ZNF317: variants seen among roughly 807,000 people sequenced by gnomAD.
The protein encoded by ZNF317 is KRAB-containing zinc finger protein 317.
ZNF317 carries 17 observed loss-of-function variants against 23.4 expected under a neutral mutation model. That is an observed-to-expected ratio of 0.73 (90% CI 0.50 to 1.09). ZNF317 has a LOEUF of 1.09. Ranked by LOEUF, ZNF317 falls within the 50% of genes least tolerant of loss-of-function variation. The pLI is 0.00. For synonymous variants in ZNF317, 317 were observed against 314.9 expected, an observed-to-expected ratio of 1.01 and a Z score of -0.07; for missense variants, 679 against 796.7, an observed-to-expected ratio of 0.85 and a Z score of 1.78.
chr19:9,140,843 G>C (rs2050622529), intron 1 of ZNF317, among the ~76,000 whole-genome samples: 1 of 152,100 alleles, frequency 6.6e-6, no homozygotes, highest in South Asian at 2.1e-4. Context: ...GTCTCTGGTG[G>C]GGGCGGAAAA....
At chr19:9,157,126 T>C in intron 3 of ZNF317, 142 bp from the exon 4 acceptor site, 2 of 1,020,814 alleles carry the variant, frequency 2.0e-6, no homozygotes, top group South Asian at 1.6e-5. Flanking sequence ...GACTGATGCC[T>C]GGAGGAAATG....
intron 1 of ZNF317, among the ~76,000 whole-genome samples, chr19:9,147,211 G>T (rs1302747204): frequency 1.3e-5 from 2 of 151,838 alleles, no homozygotes; most frequent in Non-Finnish European, 2.9e-5. Flanking sequence ...TAGAAAAATA[G>T]AACTGCTTTC....
chr19:9,140,589 T>C lies in ZNF317; in HGVS notation c.-96T>C, dbSNP rs985967583. 27 of 456,416 alleles carry C rather than the reference T, an allele frequency of 5.9e-5. No homozygotes were observed. Among genetic ancestry groups the C allele is most frequent in the African/African-American group, 1.0e-4 (5 of 50,060 alleles). 28.3% of individuals were successfully genotyped at this position (456,416 alleles called of 1,614,324 possible). A position where few individuals can be genotyped will look rare whatever the true frequency, so the allele number is the denominator to read the frequency against. On this transcript the variant is annotated 5_prime_UTR_variant, in exon 1 of 7. Coordinates refer to ENST00000247956, the MANE Select transcript of ZNF317 (RefSeq NM_020933.5). ...TCCGCTCCCCCGATCCTATTCCCAG[T>C]CGTGTAAGCCCTGCTTTCCTTAACC...
rs2050853405 is a variant in ZNF317 at position 9,161,300 on chromosome 19, A to G, written c.1655A>G (p.His552Arg). The change falls in exon 7 of 7, where the codon CAC becomes CGC. Residue 552 changes from histidine (H) to arginine (R), a missense_variant. Physicochemically the swap from His to Arg is conservative, Grantham distance 29 (BLOSUM62 0). Coordinates refer to ENST00000247956, the MANE Select transcript of ZNF317 (RefSeq NM_020933.5). This position sits in a 1 kb window ranked among gnomAD's most constrained non-coding sequence, Gnocchi z 4.0. ...AACCTGAATGTGCACAGGCGGATCCACACCGGGGAGAAGCCCTACGAATGC... is the reference window on the plus strand; with the variant it reads ...AACCTGAATGTGCACAGGCGGATCCGCACCGGGGAGAAGCCCTACGAATGC... ...GSNLNVHRRI[H>R]TGEKPYECLV... is the part of the protein sequence containing the mutation. The G allele has an allele frequency of 6.2e-7, 1 of 1,613,932 alleles. No homozygotes were observed.
At chr19:9,150,195 G>T (rs1038143622) in intron 1 of ZNF317, among the ~76,000 whole-genome samples, 3 of 152,202 alleles carry the variant, frequency 2.0e-5, no homozygotes, top group Non-Finnish European at 4.4e-5. Flanking sequence ...GAGTCATTCT[G>T]GGTGGGGCAG....
At position 9,162,364 on chromosome 19, in the gene ZNF317, T is replaced by TATGA. The variant is rs564881339; in HGVS notation, c.*934_*937dup. On this transcript the variant is annotated 3_prime_UTR_variant, in exon 7 of 7. Coordinates refer to ENST00000247956, the MANE Select transcript of ZNF317 (RefSeq NM_020933.5). ...CTGCCTGCAGCAATTCCTCCATTTT[T>TATGA]ATGAATCTTGTGAGCACTTACGCTA... 17 of 152,314 alleles carry TATGA rather than the reference T, an allele frequency of 1.1e-4. No homozygotes were observed. The highest frequency in any genetic ancestry group is 1.0e-3 in the Admixed American group (16 of 15,298). The allele number at this position is 152,314 out of a possible 1,614,324, so 9.4% of individuals were successfully genotyped here.
At position 9,162,598 on chromosome 19, in the gene ZNF317, G is replaced by A. The variant is rs1037952928; in HGVS notation, c.*1165G>A. The A allele has an allele frequency of 2.0e-5, 3 of 150,012 alleles. No homozygotes were observed. The highest frequency in any genetic ancestry group is 4.9e-5 in the African/African-American group (2 of 40,660). 9.3% of individuals were successfully genotyped at this position (150,012 alleles called of 1,614,324 possible). On this transcript the variant is annotated 3_prime_UTR_variant, in exon 7 of 7. Transcript: ENST00000247956. ...GAGAGAAGCCCCAACGAGATTTTCCGGTGAATACGGGACTGCACGTACTCT... is the reference window on the plus strand; with the variant it reads ...GAGAGAAGCCCCAACGAGATTTTCCAGTGAATACGGGACTGCACGTACTCT...
At position 9,157,155 on chromosome 19, in the gene ZNF317, C is replaced by T. The variant is rs544661582; in HGVS notation, c.163-113C>T. 3.6e-5 allele frequency: 49 copies of T among 1,346,816 alleles called. No homozygotes were observed. The South Asian group carries it at 6.6e-4, about 18-fold the overall frequency. 83.4% of individuals were successfully genotyped at this position (1,346,816 alleles called of 1,614,324 possible). On this transcript the variant is annotated intron_variant, in intron 3 of 6. Transcript: ENST00000247956. ...GGAAATGTTGAGCCCCGTAGCAGGC[C>T]ATCTGGAAATCCTGTGTTGGGTCTC...
At position 9,161,369 on chromosome 19, in the gene ZNF317, G is replaced by A; in HGVS notation, c.1724G>A (p.Ser575Asn). Residue 575 changes from serine to asparagine, a missense_variant, in exon 7 of 7, where the codon AGC (serine) becomes AAC (asparagine). Ser to Asn is a conservative substitution (Grantham distance 46, BLOSUM62 1). Transcript: ENST00000247956. This position sits in a 1 kb window ranked among gnomAD's most constrained non-coding sequence, Gnocchi z 4.0. ...KAFSDHSSLR[S>N]HVKTHRGEKL... is the part of the protein sequence containing the mutation. ...TTCAGCGACCACTCATCCCTCAGGA[G>A]CCACGTGAAAACTCACCGGGGAGAG... is the stretch of plus-strand genomic sequence containing the variant. 1 of 1,614,192 alleles carries A rather than the reference G, an allele frequency of 6.2e-7. No homozygotes were observed. The highest frequency in any genetic ancestry group is 8.5e-7 in the Non-Finnish European group (1 of 1,180,042).
chr19:9,149,551 G>T (rs1438418064), intron 1 of ZNF317, among the ~76,000 whole-genome samples: 3 of 151,940 alleles, frequency 2.0e-5, no homozygotes, highest in Admixed American at 1.3e-4. Context: ...ATGAGAGGGG[G>T]CCAGGCACAC....
chr19:9,158,814 A>C lies in ZNF317; in HGVS notation c.386-12A>C. 6.4e-7 allele frequency: 1 copy of C among 1,573,710 alleles called. No homozygotes were observed. Among genetic ancestry groups the C allele is most frequent in the Non-Finnish European group, 8.7e-7 (1 of 1,143,518 alleles). ...CTTTTCCAACAATTAATACTTTTCC[A>C]ATTTGTTTCAGATTGGGAGACTCCA... On this transcript the variant is annotated splice_polypyrimidine_tract_variant and intron_variant, in intron 5 of 6. Transcript: ENST00000247956.
chr19:9,149,633 G>A (rs545690133), intron 1 of ZNF317, among the ~76,000 whole-genome samples: 2 of 152,166 alleles, frequency 1.3e-5, no homozygotes, highest in South Asian at 4.2e-4. Context: ...AGCATGGCTG[G>A]CGGGGCCTGA....
intron 1 of ZNF317, among the ~76,000 whole-genome samples, chr19:9,149,928 G>A (rs889437842): frequency 6.6e-6 from 1 of 152,208 alleles, no homozygotes; most frequent in African/African-American, 2.4e-5. Context: ...TAGGTGGTGA[G>A]AAGCAACCAG....
intron 1 of ZNF317, 22 bp downstream of exon 1, chr19:9,140,614 C>G (rs1434481722): frequency 2.2e-6 from 1 of 455,862 alleles, no homozygotes; most frequent in Non-Finnish European, 4.4e-6. Flanking sequence ...TTTCCTTAAC[C>G]CTTCTCCCCC....
intron 1 of ZNF317, among the ~76,000 whole-genome samples, chr19:9,153,674 C>T (rs895940898): frequency 6.6e-6 from 1 of 152,174 alleles, no homozygotes; most frequent in Admixed American, 6.5e-5. Context: ...AAGAGGACCT[C>T]TGGATGGTCC....
At chr19:9,145,424 T>G (rs565550168) in intron 1 of ZNF317, among the ~76,000 whole-genome samples, 1 of 152,324 alleles carries the variant, frequency 6.6e-6, no homozygotes, top group East Asian at 1.9e-4. Context: ...TGCCCAGGCT[T>G]ACTTTGTTTC....
At chr19:9,152,786 C>G (rs537176581) in intron 1 of ZNF317, among the ~76,000 whole-genome samples, 33 of 152,324 alleles carry the variant, frequency 2.2e-4, no homozygotes, top group African/African-American at 7.7e-4. Context: ...ACCATCCCCC[C>G]TCACCTCACC....
chr19:9,160,010 G>A lies in ZNF317; in HGVS notation c.469-104G>A, dbSNP rs896093227. 2.0e-6 allele frequency: 3 copies of A among 1,512,972 alleles called. No individual in the cohort carries two copies. The allele number at this position is 1,512,972 out of a possible 1,614,324, so 93.7% of individuals were successfully genotyped here. On this transcript the variant is annotated intron_variant, in intron 6 of 6. Coordinates refer to ENST00000247956, the MANE Select transcript of ZNF317 (RefSeq NM_020933.5). The surrounding 1 kb of genome is among the most constrained non-coding windows in gnomAD (Gnocchi z 6.8). ...GCAGATGGTTACAGCTCTAGTCATA[G>A]TAATGTGCTTCTATCTGTTCATAGC...
At chr19:9,158,998 G>A in intron 6 of ZNF317, 90 bp downstream of exon 6, 1 of 841,382 alleles carries the variant, frequency 1.2e-6, no homozygotes. Flanking sequence ...CAACACCAGG[G>A]CAAGCAGCTT....
Sources: gnomAD v4.1 joint callset for allele counts (sites outside exome capture counted in the v4.1 genomes callset) on GRCh38, gnomAD v4.1.1 for gene constraint, Gnocchi (gnomAD v3.1) non-coding constraint, MANE v1.5 for transcripts, NCBI Gene and HGNC (gene_info 2026-07-23, HGNC 2026-07-21) for gene names.